The following LTBP1 variants were observed in gnomAD, a reference collection of about 807,000 sequenced individuals.
LTBP1 encodes latent transforming growth factor beta binding protein 1.
LTBP1 carries 129 observed loss-of-function variants against 207.6 expected under a neutral mutation model. That is an observed-to-expected ratio of 0.62 (90% CI 0.54 to 0.72). LTBP1 has a LOEUF of 0.72. Among genes scored for constraint, LTBP1 ranks in the 30% least tolerant of loss-of-function variants. The pLI is 0.00. For missense variants in LTBP1, 2,281 were observed against 2,217.2 expected (o/e 1.03, Z -0.58); for synonymous variants, 963 against 833.7 (o/e 1.16, Z -2.67).
Position 33,398,720 on chromosome 2 carries a change from G to GGC in LTBP1, c.*176_*177dup, listed in dbSNP as rs768871815. 7 of 530,632 alleles carry GGC rather than the reference G, an allele frequency of 1.3e-5. No individual in the cohort carries two copies. In the South Asian group the frequency reaches 1.7e-4, roughly 13 times the overall value. The allele number at this position is 530,632 out of a possible 1,614,324, so 32.9% of individuals were successfully genotyped here. ...GATTTAGGATGAGCCCGATAGGTGT[G>GGC]GCAGACCAAATGGACATTTCTCTAA... On this transcript the variant is annotated 3_prime_UTR_variant, in exon 34 of 34. Transcript: ENST00000404816.
intron 4 of LTBP1, among the ~76,000 whole-genome samples, chr2:33,124,176 A>G (rs2081310781): frequency 6.6e-6 from 1 of 152,236 alleles, no homozygotes; most frequent in Non-Finnish European, 1.5e-5. Context: ...TAGGAGGCCA[A>G]GGCGGGCAGA....
chr2:33,097,425 C>G (rs2079457614), intron 3 of LTBP1, among the ~76,000 whole-genome samples: 1 of 152,134 alleles, frequency 6.6e-6, no homozygotes, highest in South Asian at 2.1e-4. Context: ...TTGAAGACCC[C>G]TGCAGTGACA....
At position 32,995,657 on chromosome 2, in the gene LTBP1, C is replaced by T. The variant is rs960465245; in HGVS notation, c.566-25252C>T. Among the ~76,000 whole-genome samples the T allele has an allele frequency of 9.9e-5, 15 of 152,176 alleles. No homozygotes were observed. The East Asian group carries it at 1.9e-3, about 20-fold the overall frequency. The stretch of plus-strand genomic sequence containing the variant: ...AAAAAAAATTAGCCGGGCGTGGTGG[C>T]GGGCACCTGTAGTCCCAGCTACTCA... On this transcript the variant is annotated intron_variant, in intron 2 of 33. Transcript: ENST00000404816.
rs1686369388 is a variant in LTBP1 at position 33,003,676 on chromosome 2, T to C, written c.566-17233T>C. On this transcript the variant is annotated intron_variant, in intron 2 of 33. Transcript: ENST00000404816. ...CCTTGTGGAAAGGGGAGGCAATGAG[T>C]GTAGCTCTGGGCATCCATTTTAACT... Among the ~76,000 whole-genome samples, 4 of 152,240 alleles carry C rather than the reference T, an allele frequency of 2.6e-5. No individual in the cohort carries two copies. The South Asian group carries it at 8.3e-4, about 32-fold the overall frequency.
intron 26 of LTBP1, 90 bp downstream of exon 26, chr2:33,347,600 A>T: frequency 6.7e-7 from 1 of 1,493,610 alleles, no homozygotes; most frequent in Admixed American, 1.8e-5. Flanking sequence ...TGGGAGTGAG[A>T]TAAGAAGCAG....
At chr2:33,345,366 C>G (rs1297880342) in intron 25 of LTBP1, among the ~76,000 whole-genome samples, 3 of 152,208 alleles carry the variant, frequency 2.0e-5, no homozygotes, top group South Asian at 2.1e-4. Flanking sequence ...ATTGTTACCC[C>G]ACATATAGGC....
intron 3 of LTBP1, among the ~76,000 whole-genome samples, chr2:33,085,399 G>A (rs2078691785): frequency 6.6e-6 from 1 of 152,144 alleles, no homozygotes; most frequent in African/African-American, 2.4e-5. Flanking sequence ...GGACACATCT[G>A]GGCACATCTG....
At chr2:33,311,598 A>G (rs1488276377) in intron 23 of LTBP1, among the ~76,000 whole-genome samples, 1 of 151,722 alleles carries the variant, frequency 6.6e-6, no homozygotes, top group Non-Finnish European at 1.5e-5. Context: ...TTTTGGCTTA[A>G]AAGTATATTT....
chr2:33,281,681 C>T (rs115370370), intron 19 of LTBP1, among the ~76,000 whole-genome samples: 1 of 152,302 alleles, frequency 6.6e-6, no homozygotes, highest in Non-Finnish European at 1.5e-5. Context: ...GGCCCATCCC[C>T]AACCCAAGAG....
chr2:33,327,382 C>T (rs760289741), intron 24 of LTBP1, among the ~76,000 whole-genome samples: 20 of 151,906 alleles, frequency 1.3e-4, no homozygotes, highest in East Asian at 1.9e-4. Flanking sequence ...TCTAAGAAAA[C>T]GATTTTTTTT....
chr2:33,120,991 A>T (rs968116419), intron 4 of LTBP1, among the ~76,000 whole-genome samples: 4 of 152,124 alleles, frequency 2.6e-5, no homozygotes, highest in Non-Finnish European at 4.4e-5. Context: ...ATAATTCCCA[A>T]ATCTCTCCCT....
intron 2 of LTBP1, among the ~76,000 whole-genome samples, chr2:32,994,197 A>G (rs935164371): frequency 6.6e-6 from 1 of 152,200 alleles, no homozygotes; most frequent in Non-Finnish European, 1.5e-5. Flanking sequence ...GAACCTAAAT[A>G]TCCACCCACT....
rs191721089 is a variant in LTBP1, at chr2:33,271,054, A to G, written c.2618-2602A>G. Among the ~76,000 whole-genome samples, 332 of 152,322 alleles carry G rather than the reference A, an allele frequency of 2.2e-3. 1 individual carries two copies. Among genetic ancestry groups the G allele is most frequent in the African/African-American group, 4.4e-3 (181 of 41,578 alleles). On this transcript the variant is annotated intron_variant, in intron 15 of 33. Coordinates refer to ENST00000404816, the MANE Select transcript of LTBP1 (RefSeq NM_206943.4). ...AAGAAACACTTTAGCTATGTTGGCA[A>G]TTTGTGGCATAGGAATATATCACAT...
chr2:33,008,465 T>G (rs927509660), intron 2 of LTBP1, among the ~76,000 whole-genome samples: 1 of 152,254 alleles, frequency 6.6e-6, no homozygotes, highest in African/African-American at 2.4e-5. Flanking sequence ...AACAGACTTT[T>G]AGAAAATCTG....
At chr2:33,395,541 T>C (rs1005929813) in intron 32 of LTBP1, among the ~76,000 whole-genome samples, 1 of 152,198 alleles carries the variant, frequency 6.6e-6, no homozygotes, top group African/African-American at 2.4e-5. Context: ...CTGAAGGGCA[T>C]GCTCTAAAGT....
At chr2:33,299,688 A>T (rs1357770813) in intron 20 of LTBP1, among the ~76,000 whole-genome samples, 1 of 152,228 alleles carries the variant, frequency 6.6e-6, no homozygotes, top group Non-Finnish European at 1.5e-5. Flanking sequence ...GACCAATATA[A>T]TGGCCAAACA....
chr2:33,058,390 A>C (rs1472123508), intron 3 of LTBP1, among the ~76,000 whole-genome samples: 1 of 152,210 alleles, frequency 6.6e-6, no homozygotes, highest in African/African-American at 2.4e-5. Context: ...TGAGAAGCTA[A>C]AGCTTCCAAT....
chr2:33,051,721 A>G (rs561845828), intron 3 of LTBP1, among the ~76,000 whole-genome samples: 1 of 152,118 alleles, frequency 6.6e-6, no homozygotes, highest in Non-Finnish European at 1.5e-5. Flanking sequence ...GGGTTTGCAG[A>G]GCTGGCTTCA....
At chr2:33,061,994 A>G (rs2077291323) in intron 3 of LTBP1, among the ~76,000 whole-genome samples, 1 of 152,146 alleles carries the variant, frequency 6.6e-6, no homozygotes, top group Non-Finnish European at 1.5e-5. Context: ...TCTTCATGTT[A>G]ATCATTCTTC....
Sources: allele counts gnomAD v4.1 joint callset (sites outside exome capture counted in the v4.1 genomes callset), GRCh38; gene constraint gnomAD v4.1.1; transcripts MANE v1.5; gene names NCBI Gene and HGNC (gene_info 2026-07-23, HGNC 2026-07-21).